The following NELL2 variants were observed in gnomAD, a reference collection of about 807,000 sequenced individuals.
The protein encoded by NELL2 is neural EGFL like 2.
In NELL2, 41 loss-of-function variants were observed where a neutral mutation model predicts 109.6. The ratio of observed to expected loss-of-function variants is 0.37; its 90% CI spans 0.29 to 0.49. The LOEUF (loss-of-function observed/expected upper bound fraction) is 0.49, where lower values mean the gene tolerates loss of function less well. Among genes scored for constraint, NELL2 ranks in the 20% least tolerant of loss-of-function variants. NELL2 has a pLI of 0.98. For missense variants in NELL2, 900 were observed against 1,008.3 expected (o/e 0.89, Z 1.45); for synonymous variants, 355 against 344.7 (o/e 1.03, Z -0.33).
At chr12:44,671,720 A>C (rs993761992) in intron 12 of NELL2, among the ~76,000 whole-genome samples, 3 of 152,228 alleles carry the variant, frequency 2.0e-5, no homozygotes, top group Admixed American at 2.0e-4. Context: ...ACCAGAAAGA[A>C]ATAAAAAACC....
chr12:44,665,652 T>C (rs756152992), intron 12 of NELL2, 43 bp from the exon 13 acceptor site: 1 of 1,559,072 alleles, frequency 6.4e-7, no homozygotes, highest in Non-Finnish European at 8.7e-7. Flanking sequence ...GTGGGCAATA[T>C]TCTGGAGCTC....
chr12:44,727,248 A>T (rs972246468), intron 9 of NELL2, among the ~76,000 whole-genome samples: 1 of 152,052 alleles, frequency 6.6e-6, no homozygotes, highest in African/African-American at 2.4e-5. Flanking sequence ...TAGGAGAGGG[A>T]CCTAGGAAAT....
At chr12:44,718,265 T>C (rs1938591682) in intron 9 of NELL2, among the ~76,000 whole-genome samples, 1 of 152,104 alleles carries the variant, frequency 6.6e-6, no homozygotes, top group Non-Finnish European at 1.5e-5. Context: ...AGGTGCAAAT[T>C]CTGAGAGATA....
intron 19 of NELL2, among the ~76,000 whole-genome samples, chr12:44,510,939 G>A (rs888986794): frequency 1.3e-5 from 2 of 152,284 alleles, no homozygotes; most frequent in South Asian, 2.1e-4. Context: ...CCAACAAAGT[G>A]ATGGGTGTAC....
chr12:44,735,142 G>A (rs144211837), intron 9 of NELL2, among the ~76,000 whole-genome samples: 2 of 151,984 alleles, frequency 1.3e-5, no homozygotes, highest in East Asian at 1.9e-4. Flanking sequence ...CCTGTTCCTT[G>A]AAGATATACT....
chr12:44,908,179 G>C (rs577754749), intron 1 of NELL2, among the ~76,000 whole-genome samples: 1 of 152,056 alleles, frequency 6.6e-6, no homozygotes, highest in East Asian at 1.9e-4. Context: ...CTTGAGTTTA[G>C]TGATCAATAA....
intron 19 of NELL2, among the ~76,000 whole-genome samples, chr12:44,510,403 C>T (rs1484523668): frequency 6.6e-6 from 1 of 152,202 alleles, no homozygotes; most frequent in African/African-American, 2.4e-5. Context: ...CTCAGGCTAG[C>T]CTGACTCTAA....
intron 3 of NELL2, among the ~76,000 whole-genome samples, chr12:44,813,202 C>T (rs1246235236): frequency 1.3e-5 from 2 of 152,154 alleles, no homozygotes; most frequent in African/African-American, 4.8e-5. Flanking sequence ...CTTAATCACT[C>T]TTGAATACTG....
intron 9 of NELL2, among the ~76,000 whole-genome samples, chr12:44,760,975 G>A (rs1941099576): frequency 6.6e-6 from 1 of 152,110 alleles, no homozygotes; most frequent in African/African-American, 2.4e-5. Context: ...TATTAGATAA[G>A]TTTTATCATA....
chr12:44,649,761 A>G (rs910635321), intron 13 of NELL2, among the ~76,000 whole-genome samples: 1 of 152,184 alleles, frequency 6.6e-6, no homozygotes, highest in Non-Finnish European at 1.5e-5. Flanking sequence ...TTGACTACAA[A>G]CAAAGAAATC....
chr12:44,692,023 C>T (rs537373504), intron 12 of NELL2, among the ~76,000 whole-genome samples: 1 of 152,134 alleles, frequency 6.6e-6, no homozygotes, highest in Admixed American at 6.5e-5. Context: ...CTACACTAAA[C>T]AACAGGTTTT....
At position 44,811,181 on chromosome 12, in the gene NELL2, C is replaced by A. The variant is rs147238754; in HGVS notation, c.335+4805G>T. Reference sequence around the variant, plus strand: ...TCACACACTGGGCCTCGCAAGGGGTCAGGGGGAAGGGGAGGGAGAGCATTA... The same window carrying A: ...TCACACACTGGGCCTCGCAAGGGGTAAGGGGGAAGGGGAGGGAGAGCATTA... On this transcript the variant is annotated intron_variant, in intron 3 of 19. Transcript: ENST00000429094. 7.6e-3 allele frequency among the ~76,000 whole-genome samples: 1,151 copies of A among 151,378 alleles called. 17 individuals carry two copies. The highest frequency in any genetic ancestry group is 0.026 in the African/African-American group (1,077 of 41,276).
intron 9 of NELL2, among the ~76,000 whole-genome samples, chr12:44,743,236 A>C (rs1454752824): frequency 6.6e-6 from 1 of 152,132 alleles, no homozygotes; most frequent in East Asian, 1.9e-4. Context: ...AAATACTTCA[A>C]AGACAAGCAA....
Position 44,520,134 on chromosome 12 carries a change from T to C in NELL2, c.2271A>G (p.Thr757=). The change falls in exon 19 of 20, where the codon ACA becomes ACG. Residue 757 remains threonine, a synonymous_variant. Transcript: ENST00000429094. ...PENECCPRCV[T]DPCQADTIRN... The stretch of plus-strand genomic sequence containing the variant: ...GGATGGTGTCAGCCTGGCAAGGGTC[T>C]GTGACACAGCGCGGGCAGCACTCAT... 4 of 1,614,150 alleles carry C rather than the reference T, an allele frequency of 2.5e-6. No homozygotes were observed. The highest frequency in any genetic ancestry group is 3.4e-6 in the Non-Finnish European group (4 of 1,180,014).
chr12:44,682,462 C>G (rs909116182), intron 12 of NELL2, among the ~76,000 whole-genome samples: 23 of 152,150 alleles, frequency 1.5e-4, no homozygotes, highest in Non-Finnish European at 2.9e-4. Flanking sequence ...GTTGCCATTG[C>G]TTTTGGTGTT....
chr12:44,535,034 T>C (rs573182870), intron 15 of NELL2, among the ~76,000 whole-genome samples: 6 of 152,072 alleles, frequency 3.9e-5, no homozygotes, highest in African/African-American at 1.4e-4. Flanking sequence ...AATTACATTA[T>C]GGTAAACTTC....
chr12:44,791,098 T>TACAC (rs1491209710), intron 3 of NELL2, among the ~76,000 whole-genome samples: 2 of 16,338 alleles, frequency 1.2e-4, no homozygotes, highest in African/African-American at 4.2e-4. Context: ...TATATATATG[T>TACAC]ATATATATAT....
intron 1 of NELL2, among the ~76,000 whole-genome samples, chr12:44,904,950 GT>G (rs1202562270): frequency 6.6e-6 from 1 of 152,028 alleles, no homozygotes; most frequent in Non-Finnish European, 1.5e-5. Context: ...ACTGGGCATT[GT>G]CCAGTGAGAG....
intron 2 of NELL2, among the ~76,000 whole-genome samples, chr12:44,864,548 C>T (rs1944933698): frequency 6.6e-6 from 1 of 152,060 alleles, no homozygotes; most frequent in Non-Finnish European, 1.5e-5. Context: ...TACATCAGTG[C>T]ACCTAAATAT....
Sources: gnomAD v4.1 joint callset for allele counts (sites outside exome capture counted in the v4.1 genomes callset) on GRCh38, gnomAD v4.1.1 for gene constraint, MANE v1.5 for transcripts, NCBI Gene and HGNC (gene_info 2026-07-23, HGNC 2026-07-21) for gene names.